Variants in SEZ6 observed in about 807,000 individuals in gnomAD.
SEZ6 encodes seizure protein 6 homolog.
A neutral mutation model predicts 101.0 loss-of-function variants in SEZ6; 53 were observed. The ratio of observed to expected loss-of-function variants is 0.52; its 90% confidence interval spans 0.42 to 0.66. SEZ6 has a LOEUF of 0.66. Among genes scored for constraint, SEZ6 ranks in the 30% least tolerant of loss-of-function variants. The probability of loss-of-function intolerance (pLI) is 0.00; values close to 1 mark genes in which losing one functional copy is unlikely to be tolerated. For missense variants in SEZ6, 1,102 were observed against 1,289.4 expected, an observed-to-expected ratio of 0.85 and a Z score of 2.23; for synonymous variants, 488 against 512.2, an observed-to-expected ratio of 0.95 and a Z score of 0.64.
At chr17:28,980,372 A>AC (rs2041282696) in intron 2 of SEZ6, among the ~76,000 whole-genome samples, 1 of 134,850 alleles carries the variant, frequency 7.4e-6, no homozygotes, top group African/African-American at 2.7e-5. Flanking sequence ...ATGCCTGGCT[A>AC]TTTTTTTTTT....
chr17:28,972,080 G>A lies in SEZ6; in HGVS notation c.859-2128C>T, dbSNP rs114168465. 4.1e-3 allele frequency among the ~76,000 whole-genome samples: 621 copies of A among 152,338 alleles called. 2 individuals are homozygous for A. The highest frequency in any genetic ancestry group is 0.014 in the African/African-American group (595 of 41,578). ...TGGGCATCCACATATGGGACTCTGCGGGGGCAATATCTTCCCTTCTTCCCC... is the reference window on the plus strand; with the variant it reads ...TGGGCATCCACATATGGGACTCTGCAGGGGCAATATCTTCCCTTCTTCCCC... On this transcript the variant is annotated intron_variant, in intron 3 of 16. Coordinates refer to ENST00000317338, the MANE Select transcript of SEZ6 (RefSeq NM_178860.5).
chr17:28,987,574 G>C (rs746860755), intron 1 of SEZ6, among the ~76,000 whole-genome samples: 1 of 152,184 alleles, frequency 6.6e-6, no homozygotes, highest in Non-Finnish European at 1.5e-5. Context: ...AGGAAAGCAA[G>C]GCCCTGAGCA....
At chr17:28,962,756 G>A (rs917938867) in intron 5 of SEZ6, among the ~76,000 whole-genome samples, 2 of 150,468 alleles carry the variant, frequency 1.3e-5, no homozygotes, top group Non-Finnish European at 3.0e-5. Flanking sequence ...ACTCCAGCCT[G>A]GGTGACAGAG....
chr17:28,972,569 C>G (rs1409438617), intron 3 of SEZ6, among the ~76,000 whole-genome samples: 2 of 152,210 alleles, frequency 1.3e-5, no homozygotes, highest in African/African-American at 4.8e-5. Context: ...GGCGTCTCCT[C>G]TCTGTGAGAA....
chr17:28,973,694 G>T lies in SEZ6; in HGVS notation c.859-3742C>A, dbSNP rs148210260. On this transcript the variant is annotated intron_variant, in intron 3 of 16. Transcript: ENST00000317338. ...GAATGTAATTTGTCACTTGTTTGAGGGCCAGGCTGACAGAGGCCAGACAGG... is the reference window on the plus strand; with the variant it reads ...GAATGTAATTTGTCACTTGTTTGAGTGCCAGGCTGACAGAGGCCAGACAGG... Among the ~76,000 whole-genome samples the T allele has an allele frequency of 6.2e-3, 943 of 152,310 alleles. 9 individuals are homozygous for T. The highest frequency in any genetic ancestry group is 0.021 in the African/African-American group (889 of 41,556).
chr17:28,973,084 A>G (rs942864040), intron 3 of SEZ6, among the ~76,000 whole-genome samples: 5 of 152,210 alleles, frequency 3.3e-5, no homozygotes, highest in Non-Finnish European at 5.9e-5. Context: ...ACAGAGTAAC[A>G]ACAGTTGCCA....
intron 3 of SEZ6, 25 bp from the exon 4 acceptor site, chr17:28,969,977 A>T: frequency 6.6e-7 from 1 of 1,513,876 alleles, no homozygotes; most frequent in Non-Finnish European, 8.7e-7. Flanking sequence ...GAGAGAGAAA[A>T]GCAAAGTAGT....
rs191384083 is a variant in SEZ6, at chr17:28,995,451, T to A, written c.55+10364A>T. Among the ~76,000 whole-genome samples, 111 of 152,014 alleles carry A rather than the reference T, an allele frequency of 7.3e-4. 1 individual carries two copies. Among genetic ancestry groups the A allele is most frequent in the African/African-American group, 2.5e-3 (104 of 41,452 alleles). On this transcript the variant is annotated intron_variant, in intron 1 of 16. Transcript: ENST00000317338. ...TCTGGGCAGCTGCTGTGTGCTAGAC[T>A]CCATGCTGCCCCATCATCTACACCA...
At chr17:29,004,610 G>A (rs894179179) in intron 1 of SEZ6, among the ~76,000 whole-genome samples, 1 of 152,172 alleles carries the variant, frequency 6.6e-6, no homozygotes, top group Non-Finnish European at 1.5e-5. Flanking sequence ...GTCCCTGGCC[G>A]CGCTGCCTTG....
chr17:28,971,507 C>T (rs71368115), intron 3 of SEZ6, among the ~76,000 whole-genome samples: 1,685 of 152,044 alleles, frequency 0.011, 17 homozygotes, highest in Non-Finnish European at 0.019. Context: ...GCAGGAGAAT[C>T]GCTTGAACCT....
rs773769321 is a variant in SEZ6 at position 28,956,754 on chromosome 17, G to A, written c.2696C>T (p.Ser899Phe). The change falls in exon 14 of 17, where the codon TCT (serine) becomes TTT (phenylalanine). Residue 899 changes from serine (S) to phenylalanine (F), a missense_variant. By Grantham distance (155) the Ser-to-Phe change is radical. This residue lies in a region of SEZ6 where 140 missense variants were observed against 135.7 expected (regional missense o/e 1.03). Coordinates refer to ENST00000317338, the MANE Select transcript of SEZ6 (RefSeq NM_178860.5). ...SDPPPICRAA[S>F]LDGFYNSRSL... Reference sequence around the variant, plus strand: ...GCGACTGTTGTAGAACCCATCCAGAGAGGCTGGAACAAAAGGGGAGGGCCA... The same window carrying A: ...GCGACTGTTGTAGAACCCATCCAGAAAGGCTGGAACAAAAGGGGAGGGCCA... The A allele has an allele frequency of 1.9e-6, 3 of 1,563,132 alleles. No homozygotes were observed. The South Asian group carries it at 3.5e-5, about 18-fold the overall frequency.
In SEZ6 at chr17:28,958,052, C is replaced by A. The variant is rs756611401; in HGVS notation, c.2197G>T (p.Val733Leu). Residue 733 changes from valine to leucine, a missense_variant, in exon 11 of 17, where the codon GTG becomes TTG. By Grantham distance (32) the Val-to-Leu change is conservative (BLOSUM62 1). Around this residue, in one of 3 missense-constraint regions of SEZ6, gnomAD observed 556 missense variants for 735.1 expected, o/e 0.76. Coordinates refer to ENST00000317338, the MANE Select transcript of SEZ6 (RefSeq NM_178860.5). Reference protein sequence around the residue: ...PSQPELVHGTVVTYQCYPGYQ... With the variant: ...PSQPELVHGTLVTYQCYPGYQ... ...CCAGGGTAGCACTGGTAAGTGACCA[C>A]GGTGCCGTGCACTAGCTCAGGCTGC... is the stretch of plus-strand genomic sequence containing the variant. The A allele has an allele frequency of 6.2e-7, 1 of 1,613,778 alleles. No individual in the cohort carries two copies.
chr17:28,999,365 C>G (rs1231937257), intron 1 of SEZ6, among the ~76,000 whole-genome samples: 2 of 152,156 alleles, frequency 1.3e-5, no homozygotes, highest in African/African-American at 4.8e-5. Flanking sequence ...AGTCCCTGCT[C>G]ATCTCCTGGC....
chr17:28,958,981 A>ATGGCTTGC, intron 10 of SEZ6, 44 bp downstream of exon 10: 1 of 1,563,748 alleles, frequency 6.4e-7, no homozygotes, highest in South Asian at 1.2e-5. Flanking sequence ...TTGGCTTGCC[A>ATGGCTTGC]TGGCTTGCTG....
chr17:28,980,207 CTTT>C (rs3052135), intron 2 of SEZ6, among the ~76,000 whole-genome samples: 36 of 132,910 alleles, frequency 2.7e-4, no homozygotes, highest in Admixed American at 4.5e-4. Flanking sequence ...TGTTTTCTTT[CTTT>C]TTTTTTTTTT....
chr17:28,990,382 G>C (rs2041440168), intron 1 of SEZ6, among the ~76,000 whole-genome samples: 1 of 152,018 alleles, frequency 6.6e-6, no homozygotes, highest in South Asian at 2.1e-4. Flanking sequence ...TCCCACCTCA[G>C]CCTCCTAAGT....
Position 28,956,414 on chromosome 17 carries a change from C to T in SEZ6, c.2785G>A (p.Ala929Thr), listed in dbSNP as rs1326992642. ...STLDAAHIAA[A>T]IFLPLVAMVL... ...ATCGCCACCAGTGGCAAGAAGATGGCAGCTGCAATGTGGGCAGCATCCAGG... is the reference window on the plus strand; with the variant it reads ...ATCGCCACCAGTGGCAAGAAGATGGTAGCTGCAATGTGGGCAGCATCCAGG... The change falls in exon 15 of 17, where the codon GCC becomes ACC. Residue 929 changes from alanine (A) to threonine (T), a missense_variant. Ala to Thr is a moderately conservative substitution (Grantham distance 58). This residue lies in a region of SEZ6 where 140 missense variants were observed against 135.7 expected (regional missense o/e 1.03). Transcript: ENST00000317338. 6.4e-7 allele frequency: 1 copy of T among 1,568,540 alleles called. No individual in the cohort carries two copies. The highest frequency in any genetic ancestry group is 1.7e-4 in the Middle Eastern group (1 of 6,014).
At chr17:28,983,075 GA>G (rs1379802851) in intron 1 of SEZ6, among the ~76,000 whole-genome samples, 2 of 152,208 alleles carry the variant, frequency 1.3e-5, no homozygotes, top group East Asian at 3.8e-4. Context: ...GCAGTAATAT[GA>G]GTAGAGTGGG....
intron 1 of SEZ6, among the ~76,000 whole-genome samples, chr17:29,001,220 C>T (rs538739298): frequency 6.6e-5 from 10 of 152,202 alleles, no homozygotes; most frequent in East Asian, 3.8e-4. Flanking sequence ...GCCATAGGCC[C>T]GCCTCCCCTT....
Sources: allele counts gnomAD v4.1 joint callset (sites outside exome capture counted in the v4.1 genomes callset), GRCh38; gene constraint gnomAD v4.1.1; regional missense constraint gnomAD v4.1.1; transcripts MANE v1.5; gene names NCBI Gene and HGNC (gene_info 2026-07-23, HGNC 2026-07-21).